The following POTEC variants were observed in gnomAD, a reference collection of about 807,000 sequenced individuals.
The protein encoded by POTEC is ANKRD26-like family B member 2.
In POTEC, 35 loss-of-function variants were observed where a neutral mutation model predicts 62.0. That is an observed-to-expected ratio of 0.56 (90% CI 0.43 to 0.75). The LOEUF (loss-of-function observed/expected upper bound fraction) is 0.75. Among genes scored for constraint, POTEC ranks in the 30% least tolerant of loss-of-function variants. The probability of loss-of-function intolerance (pLI) is 0.00; values close to 1 mark genes in which losing one functional copy is unlikely to be tolerated. For missense variants in POTEC, 472 were observed against 655.9 expected, an observed-to-expected ratio of 0.72 and a Z score of 3.06; for synonymous variants, 156 against 221.5, an observed-to-expected ratio of 0.70 and a Z score of 2.62.
intron 5 of POTEC, among the ~76,000 whole-genome samples, chr18:14,532,523 C>T (rs1395500415): frequency 2.0e-5 from 3 of 152,116 alleles, no homozygotes; most frequent in African/African-American, 7.2e-5. Flanking sequence ...GCAGCAGAAC[C>T]AGTTTGAGTG....
intron 3 of POTEC, among the ~76,000 whole-genome samples, chr18:14,535,449 C>T (rs563355204): frequency 2.0e-5 from 3 of 152,126 alleles, no homozygotes; most frequent in East Asian, 1.9e-4. Flanking sequence ...CAAGCTCCAA[C>T]GTGCAATAAA....
intron 3 of POTEC, among the ~76,000 whole-genome samples, chr18:14,537,316 C>T (rs369711751): frequency 1.3e-5 from 2 of 151,140 alleles, no homozygotes; most frequent in African/African-American, 2.4e-5. Context: ...TCCCTTTCCA[C>T]TTCTGCCTCA....
chr18:14,513,363 A>T (rs1910058647), intron 10 of POTEC, among the ~76,000 whole-genome samples: 1 of 152,238 alleles, frequency 6.6e-6, no homozygotes, highest in Admixed American at 6.5e-5. Flanking sequence ...TATTGGAAAG[A>T]TAATCAATTC....
intron 3 of POTEC, among the ~76,000 whole-genome samples, chr18:14,536,198 C>A (rs1905707891): frequency 6.7e-6 from 1 of 149,290 alleles, no homozygotes; most frequent in African/African-American, 2.5e-5. Context: ...GCACTCCAGC[C>A]TGGGGAACAG....
chr18:14,539,746 C>A (rs991631015), intron 1 of POTEC, among the ~76,000 whole-genome samples: 1 of 152,140 alleles, frequency 6.6e-6, no homozygotes, highest in Non-Finnish European at 1.5e-5. Context: ...TCACTATTTT[C>A]CACCTTCAGA....
At chr18:14,523,583 A>C (rs1910361819) in intron 7 of POTEC, 76 bp from the exon 8 acceptor site, 1 of 1,480,514 alleles carries the variant, frequency 6.8e-7, no homozygotes, top group Admixed American at 2.0e-5. Flanking sequence ...ATGCATGTTA[A>C]AATAATTTTA....
At chr18:14,527,255 T>C (rs1333936232) in intron 6 of POTEC, among the ~76,000 whole-genome samples, 10 of 152,184 alleles carry the variant, frequency 6.6e-5, no homozygotes. Flanking sequence ...CTCTTACTTC[T>C]TTTTTGTTAT....
intron 9 of POTEC, among the ~76,000 whole-genome samples, chr18:14,516,869 A>C (rs371824779): frequency 4.4e-4 from 67 of 151,022 alleles, no homozygotes; most frequent in South Asian, 4.0e-3. Context: ...GTAAAGTTGT[A>C]TAAGAATATC....
intron 5 of POTEC, among the ~76,000 whole-genome samples, chr18:14,531,187 G>A (rs1257259536): frequency 1.3e-5 from 2 of 151,918 alleles, no homozygotes; most frequent in Non-Finnish European, 2.9e-5. Context: ...TCTCAACTGT[G>A]TCATAGTTTG....
At chr18:14,513,602 T>C (rs1413083244) in intron 10 of POTEC, 60 bp downstream of exon 10, 572 of 1,525,680 alleles carry the variant, frequency 3.7e-4, no homozygotes, top group Non-Finnish European at 4.8e-4. Context: ...CCTTCCAAAA[T>C]AAAGCTTTTT....
intron 1 of POTEC, among the ~76,000 whole-genome samples, chr18:14,539,050 AAAAC>A (rs1905844584): frequency 6.6e-6 from 1 of 152,184 alleles, no homozygotes; most frequent in African/African-American, 2.4e-5. Flanking sequence ...GGTGAAAACA[AAAAC>A]AATTTTCTAA....
At chr18:14,530,595 C>T (rs1056260152) in intron 5 of POTEC, 42 bp from the exon 6 acceptor site, 1 of 1,377,092 alleles carries the variant, frequency 7.3e-7, no homozygotes, top group Non-Finnish European at 9.8e-7. Flanking sequence ...TATTTTAATA[C>T]TGATATAAAA....
At position 14,542,960 on chromosome 18, in the gene POTEC, T is replaced by G. The variant is rs1906004652; in HGVS notation, c.187A>C (p.Lys63Gln). The G allele has an allele frequency of 6.4e-7, 1 of 1,573,250 alleles. No homozygotes were observed. The highest frequency in any genetic ancestry group is 1.4e-5 in the African/African-American group (1 of 73,302). Reference sequence around the variant, plus strand: ...CAGGGGAAGCAGTGGTGGCAACACTTGCCCATCTTGCTCCTGAGCATCTTC... The same window carrying G: ...CAGGGGAAGCAGTGGTGGCAACACTGGCCCATCTTGCTCCTGAGCATCTTC... ...FMKMLRSKMG[K>Q]CCHHCFPCCR... The change falls in exon 1 of 11, where the codon AAG becomes CAG. Residue 63 changes from lysine to glutamine, a missense_variant. By Grantham distance (53) the Lys-to-Gln change is moderately conservative. Coordinates refer to ENST00000358970, the MANE Select transcript of POTEC (RefSeq NM_001137671.2).
At chr18:14,526,154 T>G (rs1202723118) in intron 6 of POTEC, among the ~76,000 whole-genome samples, 2 of 152,004 alleles carry the variant, frequency 1.3e-5, no homozygotes, top group African/African-American at 4.8e-5. Flanking sequence ...TGCTCCAGCC[T>G]CCCAAAATGC....
Position 14,542,917 on chromosome 18 carries a change from G to C in POTEC, c.230C>G (p.Thr77Arg), listed in dbSNP as rs878887288. 3 of 1,271,132 alleles carry C rather than the reference G, an allele frequency of 2.4e-6. No individual in the cohort carries two copies. Among genetic ancestry groups the C allele is most frequent in the Middle Eastern group, 2.0e-4 (1 of 5,040 alleles). The allele number at this position is 1,271,132 out of a possible 1,614,324, so 78.7% of individuals were successfully genotyped here. A position where few individuals can be genotyped will look rare whatever the true frequency, so the allele number is the denominator to read the frequency against. The change falls in exon 1 of 11, where the codon ACG (threonine) becomes AGG (arginine). Residue 77 changes from threonine to arginine, a missense_variant. Coordinates refer to ENST00000358970, the MANE Select transcript of POTEC (RefSeq NM_001137671.2). ...HCFPCCRGSGTSNVGTSGDHD... is the reference protein window; with the variant it reads ...HCFPCCRGSGRSNVGTSGDHD... ...GTCTCCAGAAGTGCCCACGTTGCTC[G>C]TGCCGCTCCCCCTGCAGCAGGGGAA... is the stretch of plus-strand genomic sequence containing the variant.
Position 14,534,934 on chromosome 18 carries a change from TTTTTCTTGATTAAAAATTTCAC to T in POTEC, c.862_883del (p.Val288LysfsTer4), listed in dbSNP as rs1905660794. On this transcript the variant is annotated frameshift_variant, in exon 4 of 11. Transcript: ENST00000358970. LOFTEE classifies it high-confidence loss of function. ...TCTATCAAGTGCATTTAAATTAGCT[TTTTTCTTGATTAAAAATTTCAC>T]CACTTGCTGTTTTTGTTCATGTACG... 1.3e-6 allele frequency: 2 copies of T among 1,594,284 alleles called. No homozygotes were observed. Among genetic ancestry groups the T allele is most frequent in the African/African-American group, 2.7e-5 (2 of 73,534 alleles).
rs1909955529 is a variant in POTEC at position 14,509,951 on chromosome 18, C to A, written c.*1947G>T. 6.7e-6 allele frequency: 1 copy of A among 148,466 alleles called. No homozygotes were observed. The highest frequency in any genetic ancestry group is 2.5e-5 in the African/African-American group (1 of 39,746). 9.2% of individuals were successfully genotyped at this position (148,466 alleles called of 1,614,324 possible). A position where few individuals can be genotyped will look rare whatever the true frequency, so the allele number is the denominator to read the frequency against. ...TGCACGTGAGATGGGGCTGGTCTGA[C>A]CTCAGCACTCCTAAAGTGCTGGGAT... On this transcript the variant is annotated 3_prime_UTR_variant, in exon 11 of 11. Transcript: ENST00000358970.
chr18:14,517,524 C>T (rs7506541), intron 9 of POTEC, among the ~76,000 whole-genome samples: 32,361 of 151,324 alleles, frequency 0.21, 3,989 homozygotes, highest in East Asian at 0.47. Context: ...AAAGAATTTT[C>T]AAGTCCATTA....
chr18:14,515,641 A>AAAAC (rs1910126977), intron 9 of POTEC, among the ~76,000 whole-genome samples: 1 of 85,704 alleles, frequency 1.2e-5, no homozygotes, highest in African/African-American at 5.1e-5. Flanking sequence ...AACAAAAATA[A>AAAAC]AAATAAATAA....
Sources: gnomAD v4.1 joint callset for allele counts (sites outside exome capture counted in the v4.1 genomes callset) on GRCh38, gnomAD v4.1.1 for gene constraint, MANE v1.5 for transcripts, NCBI Gene and HGNC (gene_info 2026-07-23, HGNC 2026-07-21) for gene names.